The following HERC4 variants were observed in gnomAD, a reference collection of about 807,000 sequenced individuals.
HERC4 encodes the protein probable E3 ubiquitin-protein ligase HERC4.
Under a neutral mutation model 124.3 loss-of-function variants are expected in HERC4, and 28 were observed. The ratio of observed to expected loss-of-function variants is 0.23; its 90% CI spans 0.17 to 0.31. The LOEUF (loss-of-function observed/expected upper bound fraction) is 0.31. Ranked by LOEUF, HERC4 falls within the 10% of genes least tolerant of loss-of-function variation. The probability of loss-of-function intolerance (pLI) is 1.00; values close to 1 mark genes in which losing one functional copy is unlikely to be tolerated. For synonymous variants in HERC4, 407 were observed against 421.5 expected (o/e 0.97, Z 0.42); for missense variants, 713 against 1,229.3 (o/e 0.58, Z 6.28).
intron 21 of HERC4, 93 bp downstream of exon 21, chr10:67,939,495 T>C (rs1406812815): frequency 2.5e-6 from 2 of 798,782 alleles, no homozygotes; most frequent in East Asian, 5.1e-5. Context: ...CTTTAAGAAT[T>C]CCATCCATCA....
chr10:67,986,742 T>C (rs1014776607), intron 15 of HERC4, among the ~76,000 whole-genome samples: 1 of 152,132 alleles, frequency 6.6e-6, no homozygotes, highest in African/African-American at 2.4e-5. Context: ...TTCATTTGCA[T>C]ATGGGATAAA....
chr10:68,000,105 G>A (rs893251367), intron 9 of HERC4, among the ~76,000 whole-genome samples: 14 of 152,024 alleles, frequency 9.2e-5, no homozygotes, highest in Admixed American at 3.3e-4. Context: ...CAATCCTCCC[G>A]CCTCAACCTC....
intron 22 of HERC4, among the ~76,000 whole-genome samples, chr10:67,935,636 T>C (rs2032291855): frequency 6.6e-6 from 1 of 152,170 alleles, no homozygotes; most frequent in Non-Finnish European, 1.5e-5. Context: ...AGAAGGTAAA[T>C]TTCCAATCTC....
chr10:67,943,554 C>T (rs761441441), intron 19 of HERC4, among the ~76,000 whole-genome samples: 5 of 152,190 alleles, frequency 3.3e-5, no homozygotes, highest in East Asian at 1.9e-4. Context: ...CTCTAAAAGG[C>T]GGAGGTATTA....
intron 5 of HERC4, among the ~76,000 whole-genome samples, chr10:68,037,583 T>C (rs933351842): frequency 2.6e-5 from 4 of 152,328 alleles, no homozygotes; most frequent in South Asian, 2.1e-4. Flanking sequence ...TTAAATGAGA[T>C]TGGGGAAGCA....
At chr10:67,959,346 T>C (rs1176708832) in intron 16 of HERC4, among the ~76,000 whole-genome samples, 1 of 152,144 alleles carries the variant, frequency 6.6e-6, no homozygotes, top group East Asian at 1.9e-4. Context: ...TCAGGTACCT[T>C]GTGATCATAA....
At position 67,922,314 on chromosome 10, in the gene HERC4, T is replaced by C. The variant is rs2030297396; in HGVS notation, c.*617A>G. ...TGCAGGTTATGTAGTATATTCCCTA[T>C]CTGTGATTTAGGTTTGCACAAAGAC... is the stretch of plus-strand genomic sequence containing the variant. On this transcript the variant is annotated 3_prime_UTR_variant, in exon 25 of 25. Coordinates refer to ENST00000373700, the MANE Select transcript of HERC4 (RefSeq NM_015601.4). 6.6e-6 allele frequency: 1 copy of C among 152,172 alleles called. No individual in the cohort carries two copies. The highest frequency in any genetic ancestry group is 1.5e-5 in the Non-Finnish European group (1 of 68,016). The allele number at this position is 152,172 out of a possible 1,614,324, so 9.4% of individuals were successfully genotyped here. A position where few individuals can be genotyped will look rare whatever the true frequency, so the allele number is the denominator to read the frequency against.
At chr10:68,070,168 A>G in intron 3 of HERC4, 1 of 984,760 alleles carries the variant, frequency 1.0e-6, no homozygotes, top group Non-Finnish European at 1.2e-6. Flanking sequence ...ATAAGATCCA[A>G]CAACTTTTTA....
rs772297323 is a variant in HERC4 at position 68,044,556 on chromosome 10, A to C, written c.234T>G (p.Val78=). 6.2e-7 allele frequency: 1 copy of C among 1,613,734 alleles called. No individual in the cohort carries two copies. Among genetic ancestry groups the C allele is most frequent in the East Asian group, 2.2e-5 (1 of 44,870 alleles). ...HEKSRKKPEQ[V]VALDAQNIVA... ...CAATATTTTGGGCATCCAGGGCAAC[A>C]ACCTGCTCTACAGAAATCAAGAAGA... The change falls in exon 4 of 25, where the codon GTT becomes GTG. Residue 78 remains valine, a synonymous_variant. Transcript: ENST00000373700.
At chr10:68,059,645 TATATTATATATC>T (rs1487434352) in intron 3 of HERC4, among the ~76,000 whole-genome samples, 5 of 70,036 alleles carry the variant, frequency 7.1e-5, no homozygotes, top group Non-Finnish European at 1.0e-4. Context: ...TATTATATAT[TATATTATATATC>T]ATATTATATA....
At chr10:68,038,071 TA>T in intron 5 of HERC4, 21 bp downstream of exon 5, 2 of 1,334,100 alleles carry the variant, frequency 1.5e-6, no homozygotes, top group Non-Finnish European at 2.1e-6. Context: ...TGAAGAGAAA[TA>T]AAATAAAAAC....
intron 15 of HERC4, among the ~76,000 whole-genome samples, chr10:67,984,618 T>C (rs1430538112): frequency 6.6e-6 from 1 of 152,188 alleles, no homozygotes; most frequent in Non-Finnish European, 1.5e-5. Context: ...AGTCTCACTC[T>C]GTTGCCCAGG....
intron 19 of HERC4, among the ~76,000 whole-genome samples, chr10:67,943,861 T>C (rs1318448384): frequency 2.0e-5 from 3 of 152,226 alleles, no homozygotes; most frequent in African/African-American, 7.2e-5. Flanking sequence ...CACCTAATTA[T>C]TCTATGGATG....
chr10:67,930,686 T>C (rs1182497731), intron 23 of HERC4, among the ~76,000 whole-genome samples: 7 of 152,224 alleles, frequency 4.6e-5, no homozygotes, highest in Non-Finnish European at 8.8e-5. Flanking sequence ...GATGGTATAT[T>C]AGAAAGATAG....
chr10:68,032,367 T>C (rs984477175), intron 7 of HERC4, among the ~76,000 whole-genome samples: 13 of 152,300 alleles, frequency 8.5e-5, no homozygotes, highest in African/African-American at 2.6e-4. Context: ...ATCTCCTCTA[T>C]TGCTTGTATG....
intron 19 of HERC4, among the ~76,000 whole-genome samples, chr10:67,944,186 C>T (rs1434444627): frequency 6.6e-6 from 1 of 152,208 alleles, no homozygotes; most frequent in Non-Finnish European, 1.5e-5. Flanking sequence ...CCAGTGCAGT[C>T]CCAGTAGTGG....
chr10:67,963,127 A>G (rs2034626817), intron 16 of HERC4, among the ~76,000 whole-genome samples: 1 of 152,208 alleles, frequency 6.6e-6, no homozygotes, highest in Non-Finnish European at 1.5e-5. Flanking sequence ...CTTTCTCATC[A>G]TACATATTTA....
chr10:67,948,009 A>C (rs558559152), intron 19 of HERC4, among the ~76,000 whole-genome samples: 1 of 124,850 alleles, frequency 8.0e-6, no homozygotes, highest in South Asian at 2.7e-4. Context: ...ACTCTTAAAC[A>C]ACCAAAAGAT....
chr10:68,010,980 T>C, intron 9 of HERC4: 1 of 842,632 alleles, frequency 1.2e-6, no homozygotes, highest in Non-Finnish European at 1.9e-6. Context: ...TATAGTTAAG[T>C]TCTTCGAATG....
Sources: gnomAD v4.1 joint callset for allele counts (sites outside exome capture counted in the v4.1 genomes callset) on GRCh38, gnomAD v4.1.1 for gene constraint, MANE v1.5 for transcripts, NCBI Gene and HGNC (gene_info 2026-07-23, HGNC 2026-07-21) for gene names.